WDPCP: variants seen among roughly 807,000 people sequenced by gnomAD.
WDPCP encodes WD repeat containing planar cell polarity effector.
A neutral mutation model predicts 93.1 loss-of-function variants in WDPCP; 71 were observed. The ratio of observed to expected loss-of-function variants is 0.76; its 90% CI spans 0.63 to 0.93. The LOEUF (loss-of-function observed/expected upper bound fraction) is 0.93. Among genes scored for constraint, WDPCP ranks in the 40% least tolerant of loss-of-function variants. The pLI is 0.00. For synonymous variants in WDPCP, 315 were observed against 315.0 expected (o/e 1.00, Z 0.00); for missense variants, 844 against 887.4 (o/e 0.95, Z 0.62).
chr2:63,667,146 A>G (rs911043238), intron 2 of WDPCP, among the ~76,000 whole-genome samples: 1 of 152,266 alleles, frequency 6.6e-6, no homozygotes, highest in Non-Finnish European at 1.5e-5. Context: ...TATGTCAAGT[A>G]TATGCCAAGA....
chr2:63,406,000 G>A (rs1307368682), intron 9 of WDPCP, among the ~76,000 whole-genome samples: 1 of 152,156 alleles, frequency 6.6e-6, no homozygotes, highest in Non-Finnish European at 1.5e-5. Context: ...AATGTAAGAT[G>A]TCACTGGGGA....
chr2:63,605,146 G>A, intron 3 of WDPCP: 3 of 666,990 alleles, frequency 4.5e-6, no homozygotes, highest in Non-Finnish European at 7.8e-6. Context: ...GCTGACATTG[G>A]GTTGTTGCAT....
intron 13 of WDPCP, among the ~76,000 whole-genome samples, chr2:63,273,782 C>T (rs1291396121): frequency 2.0e-5 from 3 of 151,726 alleles, no homozygotes; most frequent in Non-Finnish European, 4.4e-5. Flanking sequence ...TCTAACAACT[C>T]TAAATATGTA....
intron 3 of WDPCP, among the ~76,000 whole-genome samples, chr2:63,602,841 GGTT>G (rs545320572): frequency 6.4e-4 from 97 of 151,876 alleles, no homozygotes; most frequent in African/African-American, 2.1e-3. Flanking sequence ...GATCCATCCA[GGTT>G]GTTGTTTGTT....
At chr2:63,189,087 C>T (rs755639339) in intron 14 of WDPCP, among the ~76,000 whole-genome samples, 1 of 152,052 alleles carries the variant, frequency 6.6e-6, no homozygotes, top group East Asian at 1.9e-4. Flanking sequence ...TCGCGGGAGC[C>T]GTTTCTGTTG....
intron 12 of WDPCP, among the ~76,000 whole-genome samples, chr2:63,331,266 A>T (rs1175681407): frequency 6.6e-6 from 1 of 152,172 alleles, no homozygotes; most frequent in Non-Finnish European, 1.5e-5. Flanking sequence ...AGTATTTTGT[A>T]GTCACTGCAC....
intron 1 of WDPCP, among the ~76,000 whole-genome samples, chr2:63,578,198 T>C (rs896724608): frequency 1.3e-5 from 2 of 152,186 alleles, no homozygotes; most frequent in Non-Finnish European, 2.9e-5. Flanking sequence ...TAATACAAGG[T>C]ATCAAATTAC....
intron 12 of WDPCP, among the ~76,000 whole-genome samples, chr2:63,353,614 G>A (rs1405810034): frequency 2.6e-5 from 4 of 152,158 alleles, no homozygotes; most frequent in Non-Finnish European, 5.9e-5. Context: ...ACCAAAACGT[G>A]GCCAGGGTGC....
chr2:63,810,153 C>T (rs537371195), intron 2 of WDPCP, among the ~76,000 whole-genome samples: 2 of 152,312 alleles, frequency 1.3e-5, no homozygotes, highest in Non-Finnish European at 2.9e-5. Flanking sequence ...TTATACTTCA[C>T]TGGGCATCCT....
intron 14 of WDPCP, among the ~76,000 whole-genome samples, chr2:63,185,061 C>A (rs1574824537): frequency 6.6e-6 from 1 of 152,186 alleles, no homozygotes; most frequent in East Asian, 1.9e-4. Flanking sequence ...TATGTTTGTT[C>A]ATTTTTAGAT....
chr2:63,723,050 G>T (rs1669448851), intron 2 of WDPCP, among the ~76,000 whole-genome samples: 1 of 152,182 alleles, frequency 6.6e-6, no homozygotes, highest in Admixed American at 6.5e-5. Flanking sequence ...TAAGGGCGGT[G>T]CAAGATGTGC....
At chr2:63,334,410 T>C (rs908780226) in intron 12 of WDPCP, among the ~76,000 whole-genome samples, 4 of 152,132 alleles carry the variant, frequency 2.6e-5, no homozygotes, top group African/African-American at 9.7e-5. Context: ...AATCAACATA[T>C]GTGAGATGAA....
intron 12 of WDPCP, among the ~76,000 whole-genome samples, chr2:63,324,650 C>T (rs1687386832): frequency 1.3e-5 from 2 of 152,220 alleles, no homozygotes; most frequent in South Asian, 4.1e-4. Context: ...GCTTTAGCTG[C>T]AGCCCAAGAG....
chr2:63,721,868 T>C (rs1036221214), intron 2 of WDPCP, among the ~76,000 whole-genome samples: 3 of 152,192 alleles, frequency 2.0e-5, no homozygotes, highest in African/African-American at 7.2e-5. Flanking sequence ...GCCTGCCGAG[T>C]GCCTGCGATT....
chr2:63,282,803 C>T (rs1460409464), intron 13 of WDPCP, among the ~76,000 whole-genome samples: 2 of 152,116 alleles, frequency 1.3e-5, no homozygotes, highest in Non-Finnish European at 2.9e-5. Flanking sequence ...TTCCCCCACC[C>T]CCAAGAATAC....
At chr2:63,809,172 G>A (rs1371710894) in intron 2 of WDPCP, among the ~76,000 whole-genome samples, 2 of 151,594 alleles carry the variant, frequency 1.3e-5, no homozygotes, top group Non-Finnish European at 2.9e-5. Flanking sequence ...GAAGTGAGGA[G>A]CGTCTCCGCC....
intron 10 of WDPCP, among the ~76,000 whole-genome samples, chr2:63,399,435 A>C (rs1446246277): frequency 6.6e-6 from 1 of 152,002 alleles, no homozygotes; most frequent in Non-Finnish European, 1.5e-5. Context: ...AATGTGCTAG[A>C]GATAGGAAGA....
intron 3 of WDPCP, chr2:63,605,924 C>T: frequency 2.5e-6 from 4 of 1,605,052 alleles, no homozygotes; most frequent in South Asian, 2.2e-5. Context: ...GTATGTGAAA[C>T]ATTGTTATTT....
At chr2:63,209,130 C>T (rs1676562507) in intron 14 of WDPCP, among the ~76,000 whole-genome samples, 1 of 152,220 alleles carries the variant, frequency 6.6e-6, no homozygotes, top group African/African-American at 2.4e-5. Flanking sequence ...TCACAGGCAG[C>T]CCAAAAGGCT....
Sources: allele counts gnomAD v4.1 joint callset (sites outside exome capture counted in the v4.1 genomes callset), GRCh38; gene constraint gnomAD v4.1.1; transcripts MANE v1.5; gene names NCBI Gene and HGNC (gene_info 2026-07-23, HGNC 2026-07-21).